Variants in GDA observed in about 807,000 individuals in gnomAD.
GDA encodes guanine deaminase.
A neutral mutation model predicts 59.6 loss-of-function variants in GDA; 18 were observed. That is an observed-to-expected ratio of 0.30 (90% confidence interval 0.21 to 0.45). GDA has a LOEUF of 0.45. Ranked by LOEUF, GDA falls within the 20% of genes least tolerant of loss-of-function variation. GDA has a pLI of 1.00. For missense variants in GDA, 427 were observed against 552.3 expected, an observed-to-expected ratio of 0.77 and a Z score of 2.27; for synonymous variants, 201 against 201.1, an observed-to-expected ratio of 1.00 and a Z score of 0.00.
intron 1 of GDA, among the ~76,000 whole-genome samples, chr9:72,186,250 G>A (rs1272601580): frequency 6.6e-6 from 1 of 152,104 alleles, no homozygotes; most frequent in Non-Finnish European, 1.5e-5. Flanking sequence ...AAATCTCAGG[G>A]CTGATCCCTG....
intron 1 of GDA, among the ~76,000 whole-genome samples, chr9:72,138,201 G>A (rs1389490603): frequency 6.6e-6 from 1 of 152,190 alleles, no homozygotes; most frequent in Non-Finnish European, 1.5e-5. Context: ...TGAGGGTGAA[G>A]TTTGGCAGTT....
chr9:72,214,509 T>C (rs1366748868), intron 5 of GDA, among the ~76,000 whole-genome samples: 1 of 151,932 alleles, frequency 6.6e-6, no homozygotes, highest in Non-Finnish European at 1.5e-5. Context: ...TTGGCTGGGC[T>C]GGTCTCGAAC....
rs530469290 is a variant in GDA, at chr9:72,116,879, A to G, written c.-100+2046A>G. On this transcript the variant is annotated intron_variant, in intron 1 of 13. Coordinates refer to the GDA transcript ENST00000545168. ...CCATGTTGGTGTGCTGCACCCATTAACTCATCATTTACATTAGGTATATCT... is the reference window on the plus strand; with the variant it reads ...CCATGTTGGTGTGCTGCACCCATTAGCTCATCATTTACATTAGGTATATCT... 3.3e-5 allele frequency among the ~76,000 whole-genome samples: 5 copies of G among 151,746 alleles called. No homozygotes were observed. In the East Asian group the frequency reaches 7.8e-4, roughly 24 times the overall value.
rs187023816 is a variant in GDA, at chr9:72,151,886, A to C, written c.123+2204A>C. ...CCAAAGTGCTGGGATTACAGGCGTG[A>C]GCCACCGCGCCGGCCAATGATCTGT... On this transcript the variant is annotated intron_variant, in intron 1 of 13. Coordinates refer to ENST00000358399, the MANE Select transcript of GDA (RefSeq NM_004293.5). Among the ~76,000 whole-genome samples the C allele has an allele frequency of 8.5e-5, 13 of 152,248 alleles. No homozygotes were observed. The East Asian group carries it at 2.5e-3, about 29-fold the overall frequency.
chr9:72,139,062 A>G (rs1826348877), intron 1 of GDA, among the ~76,000 whole-genome samples: 1 of 152,190 alleles, frequency 6.6e-6, no homozygotes, highest in Admixed American at 6.5e-5. Flanking sequence ...AGAATATCTA[A>G]AAATATGGAC....
chr9:72,198,846 G>GATAGATAGATATATATATATATATAT (rs1554669169), intron 2 of GDA, among the ~76,000 whole-genome samples: 18 of 128,574 alleles, frequency 1.4e-4, no homozygotes, highest in African/African-American at 6.9e-4. Flanking sequence ...TATATAGGGG[G>GATAGATAGATATATATATATATATAT]ATATATATAT....
intron 1 of GDA, among the ~76,000 whole-genome samples, chr9:72,115,705 T>C (rs1461255138): frequency 6.6e-6 from 1 of 152,192 alleles, no homozygotes; most frequent in Non-Finnish European, 1.5e-5. Flanking sequence ...TAAAAAGTAA[T>C]ACCACAAAAA....
intron 1 of GDA, 26 bp downstream of exon 1, chr9:72,149,708 C>G: frequency 6.3e-7 from 1 of 1,576,806 alleles, no homozygotes; most frequent in Non-Finnish European, 8.6e-7. Context: ...GTCGAGCGCA[C>G]TCCGACGGGC....
chr9:72,205,513 A>G (rs1317151281), intron 3 of GDA, among the ~76,000 whole-genome samples: 1 of 152,202 alleles, frequency 6.6e-6, no homozygotes, highest in Non-Finnish European at 1.5e-5. Context: ...AGCTCTCAGA[A>G]CCAGGAAAGG....
intron 10 of GDA, among the ~76,000 whole-genome samples, chr9:72,232,113 C>T (rs544440268): frequency 1.3e-5 from 2 of 152,180 alleles, no homozygotes; most frequent in Non-Finnish European, 2.9e-5. Flanking sequence ...TAGGTGTCCT[C>T]TGTGAGGCTT....
At chr9:72,117,397 G>A (rs558414713) in intron 1 of GDA, among the ~76,000 whole-genome samples, 93 of 152,024 alleles carry the variant, frequency 6.1e-4, no homozygotes, top group African/African-American at 2.2e-3. Context: ...GATAATTTGA[G>A]AAATACAGAA....
At chr9:72,192,594 A>C (rs1342170257) in intron 1 of GDA, among the ~76,000 whole-genome samples, 3 of 149,996 alleles carry the variant, frequency 2.0e-5, no homozygotes, top group Non-Finnish European at 4.4e-5. Flanking sequence ...CTATTAAAAC[A>C]CTCTGGGCCG....
intron 3 of GDA, among the ~76,000 whole-genome samples, chr9:72,203,744 G>T (rs1246234369): frequency 1.3e-5 from 2 of 152,006 alleles, no homozygotes; most frequent in Admixed American, 6.6e-5. Context: ...CACATCAACT[G>T]ACCTAACCAT....
At chr9:72,144,401 A>C (rs967782696), upstream of GDA, among the ~76,000 whole-genome samples, 4 of 152,218 alleles carry the variant, frequency 2.6e-5, no homozygotes, top group Non-Finnish European at 5.9e-5. Flanking sequence ...TAATTATGCT[A>C]GGGAAATGTT....
At chr9:72,134,116 G>C (rs147168730) in intron 1 of GDA, among the ~76,000 whole-genome samples, 2 of 152,096 alleles carry the variant, frequency 1.3e-5, no homozygotes, top group African/African-American at 4.8e-5. Flanking sequence ...AAGGGGCTTG[G>C]CAAATAGGGA....
intron 9 of GDA, among the ~76,000 whole-genome samples, chr9:72,229,433 G>A (rs967512759): frequency 6.6e-6 from 1 of 152,024 alleles, no homozygotes; most frequent in Non-Finnish European, 1.5e-5. Flanking sequence ...AGTGAAGATC[G>A]TATCATCACG....
intron 1 of GDA, among the ~76,000 whole-genome samples, chr9:72,137,946 C>G (rs189567457): frequency 1.3e-5 from 2 of 152,102 alleles, no homozygotes; most frequent in African/African-American, 4.8e-5. Context: ...GTTAGGTCAA[C>G]GCCACACTCT....
At chr9:72,210,475 C>G (rs377591689) in intron 3 of GDA, among the ~76,000 whole-genome samples, 2 of 152,104 alleles carry the variant, frequency 1.3e-5, no homozygotes, top group Non-Finnish European at 2.9e-5. Context: ...CTGTGTGAAT[C>G]GAGAAAAAAT....
intron 2 of GDA, among the ~76,000 whole-genome samples, chr9:72,200,868 G>A (rs190665734): frequency 5.3e-5 from 8 of 152,074 alleles, no homozygotes; most frequent in African/African-American, 9.7e-5. Flanking sequence ...CACGTGGAAC[G>A]TAGTGACCGA....
Sources: allele counts gnomAD v4.1 joint callset (sites outside exome capture counted in the v4.1 genomes callset), GRCh38; gene constraint gnomAD v4.1.1; transcripts MANE v1.5; gene names NCBI Gene and HGNC (gene_info 2026-07-23, HGNC 2026-07-21).